The following KAZN variants were observed in gnomAD, a reference collection of about 807,000 sequenced individuals.
KAZN encodes kazrin.
In KAZN, 40 loss-of-function variants were observed where a neutral mutation model predicts 87.4. The observed-to-expected ratio is 0.46, with a 90% CI of 0.36 to 0.60. The LOEUF (loss-of-function observed/expected upper bound fraction) is 0.60, where lower values mean the gene tolerates loss of function less well. Ranked by LOEUF, KAZN falls within the 20% of genes least tolerant of loss-of-function variation. KAZN has a pLI of 0.00. For missense variants in KAZN, 898 were observed against 1,073.9 expected (o/e 0.84, Z 2.29); for synonymous variants, 466 against 458.3 (o/e 1.02, Z -0.22).
In KAZN at chr1:14,027,709, T is replaced by C. The variant is rs527452071; in HGVS notation, c.91+133953T>C. ...TTTACATATTAAAAAATAAAAAATG[T>C]AGCCAAAATATTGGAGGGACAAGCA... is the stretch of plus-strand genomic sequence containing the variant. On this transcript the variant is annotated intron_variant, in intron 1 of 16. Coordinates refer to the KAZN transcript ENST00000636203. 2.0e-5 allele frequency among the ~76,000 whole-genome samples: 3 copies of C among 152,340 alleles called. No individual in the cohort carries two copies. In the East Asian group the frequency reaches 5.8e-4, roughly 29 times the overall value.
intron 1 of KAZN, among the ~76,000 whole-genome samples, chr1:13,941,077 C>T (rs1640908654): frequency 6.6e-6 from 1 of 151,890 alleles, no homozygotes; most frequent in Admixed American, 6.6e-5. Flanking sequence ...GCCTATAATC[C>T]CAGCTACTCG....
chr1:14,134,491 G>A (rs2213847), intron 1 of KAZN, among the ~76,000 whole-genome samples: 87,118 of 151,944 alleles, frequency 0.57, 26,272 homozygotes, highest in East Asian at 0.76. Context: ...AAGCTCAAAA[G>A]ATTAAATGAC....
chr1:15,072,058 A>G (rs1195548061), intron 8 of KAZN, among the ~76,000 whole-genome samples: 2 of 152,124 alleles, frequency 1.3e-5, no homozygotes, highest in African/African-American at 4.8e-5. Context: ...TCCCTGTCAT[A>G]CCTGGATAAT....
intron 1 of KAZN, among the ~76,000 whole-genome samples, chr1:14,878,858 T>G (rs1653039891): frequency 6.6e-6 from 1 of 152,182 alleles, no homozygotes; most frequent in Non-Finnish European, 1.5e-5. Flanking sequence ...TGAATATTCA[T>G]GAACGTATAA....
At chr1:14,372,228 T>C (rs533236540) in intron 2 of KAZN, among the ~76,000 whole-genome samples, 1 of 152,232 alleles carries the variant, frequency 6.6e-6, no homozygotes, top group African/African-American at 2.4e-5. Context: ...TACATATAGC[T>C]ATAGTGTGGT....
In KAZN at chr1:15,036,776, G is replaced by A. The variant is rs146822515; in HGVS notation, c.555+1891G>A. Reference sequence around the variant, plus strand: ...GGTACACGTGTGTGCTCACAGGGGCGTGCTGTGGGAGTTACGGCATGTACT... The same window carrying A: ...GGTACACGTGTGTGCTCACAGGGGCATGCTGTGGGAGTTACGGCATGTACT... On this transcript the variant is annotated intron_variant, in intron 3 of 14. Coordinates refer to ENST00000376030, the MANE Select transcript of KAZN (RefSeq NM_201628.3). 1.4e-3 allele frequency among the ~76,000 whole-genome samples: 211 copies of A among 152,300 alleles called. 1 individual carries two copies. Among genetic ancestry groups the A allele is most frequent in the Middle Eastern group, 6.8e-3 (2 of 294 alleles).
At chr1:14,822,820 C>A (rs1646773769) in intron 1 of KAZN, among the ~76,000 whole-genome samples, 1 of 152,160 alleles carries the variant, frequency 6.6e-6, no homozygotes, top group Non-Finnish European at 1.5e-5. Flanking sequence ...GTGGCCCACA[C>A]ATGAAGACAG....
chr1:14,008,978 C>T (rs575410594), intron 1 of KAZN, among the ~76,000 whole-genome samples: 46 of 152,288 alleles, frequency 3.0e-4, no homozygotes, highest in African/African-American at 1.0e-3. Context: ...CCCACTCTCC[C>T]AGCCCCTGGC....
chr1:15,102,285 G>A (rs1401364400), intron 11 of KAZN, among the ~76,000 whole-genome samples: 1 of 152,140 alleles, frequency 6.6e-6, no homozygotes, highest in African/African-American at 2.4e-5. Context: ...AGTCTTCAGG[G>A]GGCTCAGGGA....
At chr1:14,640,231 T>TA (rs36116849) in intron 1 of KAZN, among the ~76,000 whole-genome samples, 31,743 of 152,160 alleles carry the variant, frequency 0.21, 3,422 homozygotes, top group South Asian at 0.29. Context: ...ATGAGCTGCC[T>TA]AATTTGTGTG....
At chr1:15,052,807 C>T (rs1674551880) in intron 4 of KAZN, among the ~76,000 whole-genome samples, 1 of 152,154 alleles carries the variant, frequency 6.6e-6, no homozygotes, top group South Asian at 2.1e-4. Flanking sequence ...TTCTGAAGGA[C>T]CAACCGTAGG....
At chr1:14,782,700 A>G (rs1645394756) in intron 1 of KAZN, among the ~76,000 whole-genome samples, 1 of 152,198 alleles carries the variant, frequency 6.6e-6, no homozygotes, top group African/African-American at 2.4e-5. Flanking sequence ...TTCTATGGAA[A>G]CAATTATCTA....
chr1:14,081,484 A>T (rs1262660178), intron 1 of KAZN, among the ~76,000 whole-genome samples: 1 of 151,996 alleles, frequency 6.6e-6, no homozygotes, highest in Non-Finnish European at 1.5e-5. Context: ...TTGTTTTTGT[A>T]TGGCTCGTGT....
At chr1:14,713,067 G>A (rs1329956065) in intron 1 of KAZN, among the ~76,000 whole-genome samples, 1 of 152,144 alleles carries the variant, frequency 6.6e-6, no homozygotes, top group Non-Finnish European at 1.5e-5. Context: ...TGGTCAGGGG[G>A]CCACTCTAAT....
At chr1:14,410,063 G>A (rs1664182006) in intron 2 of KAZN, among the ~76,000 whole-genome samples, 1 of 152,178 alleles carries the variant, frequency 6.6e-6, no homozygotes, top group Admixed American at 6.5e-5. Context: ...AAAATCATGA[G>A]AGATCAGTTA....
intron 13 of KAZN, chr1:15,112,065 G>T: frequency 4.2e-6 from 1 of 237,226 alleles, no homozygotes; most frequent in Non-Finnish European, 8.3e-6. Context: ...GGAGTCTGTT[G>T]CAGTAAGGTT....
intron 2 of KAZN, among the ~76,000 whole-genome samples, chr1:14,550,631 T>A (rs993891150): frequency 6.6e-6 from 1 of 151,966 alleles, no homozygotes; most frequent in South Asian, 2.1e-4. Flanking sequence ...ATTTTGGATT[T>A]TTTTTTAACG....
At chr1:15,013,997 G>A (rs1669842049) in intron 2 of KAZN, among the ~76,000 whole-genome samples, 1 of 152,150 alleles carries the variant, frequency 6.6e-6, no homozygotes, top group Admixed American at 6.5e-5. Context: ...CAGGAAGGAT[G>A]CTTAAGTGAA....
chr1:14,684,974 A>G (rs1640870191), intron 1 of KAZN, among the ~76,000 whole-genome samples: 1 of 152,228 alleles, frequency 6.6e-6, no homozygotes, highest in Non-Finnish European at 1.5e-5. Context: ...GATTGTGTAC[A>G]TGGTGACATT....
Sources: allele counts gnomAD v4.1 joint callset (sites outside exome capture counted in the v4.1 genomes callset), GRCh38; gene constraint gnomAD v4.1.1; transcripts MANE v1.5; gene names NCBI Gene and HGNC (gene_info 2026-07-23, HGNC 2026-07-21).